Variants in HS3ST4 observed in about 807,000 individuals in gnomAD.
HS3ST4 encodes heparan sulfate glucosamine 3-O-sulfotransferase 4.
Under a neutral mutation model 29.2 loss-of-function variants are expected in HS3ST4, and 17 were observed. The ratio of observed to expected loss-of-function variants is 0.58; its 90% CI spans 0.40 to 0.87. HS3ST4 has a LOEUF of 0.87. Among genes scored for constraint, HS3ST4 ranks in the 40% least tolerant of loss-of-function variants. The pLI is 0.00. For synonymous variants in HS3ST4, 314 were observed against 285.7 expected (o/e 1.10, Z -1.00); for missense variants, 627 against 634.5 (o/e 0.99, Z 0.13).
At chr16:26,026,465 C>T (rs1269883503) in intron 1 of HS3ST4, among the ~76,000 whole-genome samples, 1 of 152,084 alleles carries the variant, frequency 6.6e-6, no homozygotes, top group Non-Finnish European at 1.5e-5. Flanking sequence ...CTGGTTATTC[C>T]TATCTTTCTC....
chr16:25,962,852 G>A (rs1968808222), intron 1 of HS3ST4, among the ~76,000 whole-genome samples: 1 of 152,142 alleles, frequency 6.6e-6, no homozygotes, highest in Non-Finnish European at 1.5e-5. Context: ...TTTCTCATAA[G>A]TTTATTGTAA....
At chr16:25,827,154 A>G (rs1967225823) in intron 1 of HS3ST4, among the ~76,000 whole-genome samples, 1 of 152,194 alleles carries the variant, frequency 6.6e-6, no homozygotes, top group African/African-American at 2.4e-5. Context: ...TCAGAAAGCC[A>G]TTGAGATCCA....
intron 1 of HS3ST4, among the ~76,000 whole-genome samples, chr16:25,724,597 C>T (rs958529562): frequency 1.3e-5 from 2 of 152,140 alleles, no homozygotes; most frequent in Non-Finnish European, 2.9e-5. Context: ...CTCCTGAACT[C>T]GTGATCCCCC....
At chr16:25,977,900 G>GCC (rs1286195447) in intron 1 of HS3ST4, among the ~76,000 whole-genome samples, 7 of 152,130 alleles carry the variant, frequency 4.6e-5, no homozygotes, top group Non-Finnish European at 5.9e-5. Flanking sequence ...AGAGCCCTCA[G>GCC]CTGGAGATCT....
intron 1 of HS3ST4, among the ~76,000 whole-genome samples, chr16:25,987,374 A>G (rs946558845): frequency 1.3e-5 from 2 of 152,140 alleles, no homozygotes; most frequent in African/African-American, 2.4e-5. Flanking sequence ...CAATACTTCT[A>G]ATAATTTTTA....
chr16:25,837,620 G>C (rs763800114), intron 1 of HS3ST4, among the ~76,000 whole-genome samples: 2 of 151,950 alleles, frequency 1.3e-5, no homozygotes, highest in Admixed American at 1.3e-4. Flanking sequence ...ATAGTCCTTT[G>C]TAAGGCGCAT....
rs557011489 is a variant in HS3ST4 at position 25,877,832 on chromosome 16, C to A, written c.734+184681C>A. ...TAACACTGTAGCTTGTCTTTGTTCA[C>A]TGATTTCATCATTTCTTCAGCAGAT... On this transcript the variant is annotated intron_variant, in intron 1 of 1. Coordinates refer to ENST00000331351, the MANE Select transcript of HS3ST4 (RefSeq NM_006040.3). Among the ~76,000 whole-genome samples, 11 of 152,324 alleles carry A rather than the reference C, an allele frequency of 7.2e-5. No homozygotes were observed. The South Asian group carries it at 2.3e-3, about 32-fold the overall frequency.
chr16:25,987,883 G>A (rs1969079124), intron 1 of HS3ST4, among the ~76,000 whole-genome samples: 1 of 152,100 alleles, frequency 6.6e-6, no homozygotes, highest in African/African-American at 2.4e-5. Context: ...AGATTCTTCT[G>A]CATCAGCCTC....
At chr16:26,063,233 C>T (rs1456910472) in intron 1 of HS3ST4, 4 of 152,678 alleles carry the variant, frequency 2.6e-5, no homozygotes, top group African/African-American at 7.2e-5. Context: ...GTCTGACTTT[C>T]TCTTGTAACC....
chr16:25,827,279 A>T (rs936537534), intron 1 of HS3ST4, among the ~76,000 whole-genome samples: 1 of 152,116 alleles, frequency 6.6e-6, no homozygotes, highest in Non-Finnish European at 1.5e-5. Context: ...CCAGTAAGGG[A>T]TCAGCTCCAT....
intron 1 of HS3ST4, among the ~76,000 whole-genome samples, chr16:25,735,098 C>A (rs1488788017): frequency 6.6e-6 from 1 of 152,240 alleles, no homozygotes; most frequent in Non-Finnish European, 1.5e-5. Context: ...CCCTTGCTCT[C>A]TAACAGAAAA....
chr16:25,965,266 A>G (rs1249545870), intron 1 of HS3ST4, among the ~76,000 whole-genome samples: 5 of 152,000 alleles, frequency 3.3e-5, no homozygotes, highest in Admixed American at 6.6e-5. Context: ...AAGTCCACTC[A>G]TGAAGCCATG....
intron 1 of HS3ST4, among the ~76,000 whole-genome samples, chr16:25,938,723 T>C (rs1426734398): frequency 6.6e-6 from 1 of 152,212 alleles, no homozygotes; most frequent in Non-Finnish European, 1.5e-5. Flanking sequence ...CCATTTTCCA[T>C]GTCCCCTGTC....
intron 1 of HS3ST4, among the ~76,000 whole-genome samples, chr16:26,111,994 C>T (rs1366317863): frequency 4.9e-5 from 7 of 142,944 alleles, no homozygotes; most frequent in East Asian, 4.1e-4. Flanking sequence ...TCCAGCCCGG[C>T]GACAGAGTGA....
chr16:26,026,723 G>C (rs1009929880), intron 1 of HS3ST4, among the ~76,000 whole-genome samples: 6 of 152,084 alleles, frequency 3.9e-5, no homozygotes, highest in Admixed American at 6.5e-5. Flanking sequence ...GTCCAGCCCC[G>C]CATGAAACAC....
At chr16:26,054,565 C>A (rs569108046) in intron 1 of HS3ST4, among the ~76,000 whole-genome samples, 1 of 152,020 alleles carries the variant, frequency 6.6e-6, no homozygotes, top group African/African-American at 2.4e-5. Flanking sequence ...ACAATTGGTC[C>A]GAAAACCATT....
Position 25,692,852 on chromosome 16 carries a change from C to T in HS3ST4, c.435C>T (p.Ala145=). ...AQDAWLRTPL[A]PSEMITAQSA... ...ACGCCTGGCTCCGGACCCCGCTGGC[C>T]CCCAGCGAGATGATCACGGCTCAGA... Residue 145 remains alanine (A), a synonymous_variant, in exon 1 of 2, where the codon GCC becomes GCT. Transcript: ENST00000331351. 7.5e-6 allele frequency: 11 copies of T among 1,471,410 alleles called. No individual in the cohort carries two copies. Among genetic ancestry groups the T allele is most frequent in the Non-Finnish European group, 9.9e-6 (11 of 1,111,686 alleles). 91.1% of individuals were successfully genotyped at this position (1,471,410 alleles called of 1,614,324 possible). A position where few individuals can be genotyped will look rare whatever the true frequency, so the allele number is the denominator to read the frequency against.
chr16:25,746,923 A>G (rs1966689170), intron 1 of HS3ST4, among the ~76,000 whole-genome samples: 1 of 152,082 alleles, frequency 6.6e-6, no homozygotes, highest in Admixed American at 6.5e-5. Flanking sequence ...ATCATAGCTC[A>G]CTGAAGCCTG....
At chr16:25,770,645 A>G (rs1314596529) in intron 1 of HS3ST4, among the ~76,000 whole-genome samples, 1 of 152,156 alleles carries the variant, frequency 6.6e-6, no homozygotes, top group Non-Finnish European at 1.5e-5. Context: ...TACCTGGGGT[A>G]ACTTTGCATC....
Sources: gnomAD v4.1 joint callset for allele counts (sites outside exome capture counted in the v4.1 genomes callset) on GRCh38, gnomAD v4.1.1 for gene constraint, MANE v1.5 for transcripts, NCBI Gene and HGNC (gene_info 2026-07-23, HGNC 2026-07-21) for gene names.